Variants in GCFC2 observed in about 807,000 individuals in gnomAD.
GCFC2 encodes the protein intron Large complex component GCFC2.
A neutral mutation model predicts 99.4 loss-of-function variants in GCFC2; 102 were observed. The observed-to-expected ratio is 1.03, with a 90% CI of 0.87 to 1.21. The LOEUF (loss-of-function observed/expected upper bound fraction) is 1.21, where lower values mean the gene tolerates loss of function less well. GCFC2 is among the 50% of genes most tolerant of loss of function. GCFC2 has a pLI of 0.00. For synonymous variants in GCFC2, 338 were observed against 316.8 expected, an observed-to-expected ratio of 1.07 and a Z score of -0.71; for missense variants, 973 against 920.9, an observed-to-expected ratio of 1.06 and a Z score of -0.73.
intron 14 of GCFC2, among the ~76,000 whole-genome samples, chr2:75,671,330 T>C (rs1339131315): frequency 6.6e-6 from 1 of 152,254 alleles, no homozygotes; most frequent in Non-Finnish European, 1.5e-5. Context: ...CTACAGGTAG[T>C]GGACTCCCAA....
At chr2:75,667,330 T>C (rs1279816500) in intron 15 of GCFC2, among the ~76,000 whole-genome samples, 1 of 152,182 alleles carries the variant, frequency 6.6e-6, no homozygotes. Flanking sequence ...TAGATAATCA[T>C]ACAGATTATG....
intron 12 of GCFC2, among the ~76,000 whole-genome samples, chr2:75,675,276 A>G (rs1679282876): frequency 6.6e-6 from 1 of 152,236 alleles, no homozygotes; most frequent in Admixed American, 6.5e-5. Flanking sequence ...AGTACTCAGG[A>G]GAAAACATAT....
At chr2:75,689,471 T>C (rs1404631853) in intron 9 of GCFC2, among the ~76,000 whole-genome samples, 9 of 152,182 alleles carry the variant, frequency 5.9e-5, no homozygotes, top group Admixed American at 5.2e-4. Context: ...CTATCTTCCA[T>C]ACCATATAGG....
At chr2:75,668,860 A>G (rs1190332323) in intron 15 of GCFC2, among the ~76,000 whole-genome samples, 2 of 152,176 alleles carry the variant, frequency 1.3e-5, no homozygotes, top group Non-Finnish European at 2.9e-5. Flanking sequence ...TACTCTCCAA[A>G]AGAGCTGTAT....
chr2:75,665,557 G>A (rs543597251), intron 16 of GCFC2, among the ~76,000 whole-genome samples: 53 of 152,298 alleles, frequency 3.5e-4, no homozygotes, highest in South Asian at 1.0e-3. Flanking sequence ...TCAGAACAGA[G>A]AGCTAGCTAC....
intron 10 of GCFC2, 99 bp from the exon 11 acceptor site, chr2:75,688,076 AG>A (rs1679900203): frequency 1.4e-6 from 1 of 720,636 alleles, no homozygotes. Context: ...AGCTTTTCTA[AG>A]GATCAGAAGA....
rs779422776 is a variant in GCFC2 at position 75,689,179 on chromosome 2, A to G, written c.1386T>C (p.Asp462=). Residue 462 remains aspartate (D), a synonymous_variant, in exon 10 of 17, where the codon GAT becomes GAC. Coordinates refer to ENST00000321027, the MANE Select transcript of GCFC2 (RefSeq NM_003203.5). ...AAATATTCTGGATGTTACAAAAATC[A>G]TCTTGCACTTCTTCAAAAACTTTCT... ...KQKKVFEEVQ[D]DFCNIQNILL... 8.1e-6 allele frequency: 13 copies of G among 1,605,614 alleles called. No homozygotes were observed. Among genetic ancestry groups the G allele is most frequent in the African/African-American group, 1.3e-5 (1 of 74,756 alleles).
intron 11 of GCFC2, among the ~76,000 whole-genome samples, chr2:75,684,541 C>A (rs930953193): frequency 6.6e-6 from 1 of 152,106 alleles, no homozygotes; most frequent in Non-Finnish European, 1.5e-5. Context: ...GATCTAAAAT[C>A]GACATCCTAA....
chr2:75,698,174 A>G (rs1680417417), intron 4 of GCFC2, among the ~76,000 whole-genome samples: 1 of 152,234 alleles, frequency 6.6e-6, no homozygotes, highest in Non-Finnish European at 1.5e-5. Flanking sequence ...GGGCAAGATT[A>G]TGGTAAAATA....
intron 5 of GCFC2, among the ~76,000 whole-genome samples, chr2:75,694,637 C>T (rs983340815): frequency 1.6e-4 from 25 of 152,036 alleles, no homozygotes; most frequent in African/African-American, 6.0e-4. Flanking sequence ...TTGCATTTGT[C>T]TTTCAGAATC....
At chr2:75,678,382 A>G (rs939776766) in intron 12 of GCFC2, among the ~76,000 whole-genome samples, 2 of 152,172 alleles carry the variant, frequency 1.3e-5, no homozygotes, top group East Asian at 1.9e-4. Context: ...TTCAAATTAA[A>G]TATCTCTAAT....
intron 11 of GCFC2, among the ~76,000 whole-genome samples, chr2:75,681,018 C>G (rs1412556742): frequency 6.6e-6 from 1 of 152,142 alleles, no homozygotes; most frequent in Non-Finnish European, 1.5e-5. Flanking sequence ...AGATCCTGTT[C>G]CCAGAACACT....
intron 4 of GCFC2, among the ~76,000 whole-genome samples, chr2:75,698,822 G>A (rs1680447869): frequency 6.6e-6 from 1 of 151,944 alleles, no homozygotes; most frequent in African/African-American, 2.4e-5. Flanking sequence ...GACCAGCCTA[G>A]GCAACATGAT....
chr2:75,702,515 C>A, intron 2 of GCFC2, 92 bp from the exon 3 acceptor site: 1 of 992,806 alleles, frequency 1.0e-6, no homozygotes, highest in Non-Finnish European at 1.5e-6. Context: ...GCACCATTTT[C>A]CTAAATTATT....
At chr2:75,687,745 C>T (rs1257385380) in intron 11 of GCFC2, 82 bp downstream of exon 11, 17 of 1,076,542 alleles carry the variant, frequency 1.6e-5, no homozygotes, top group Middle Eastern at 2.2e-4. Flanking sequence ...TATGAAAAAA[C>T]TTTGTGAATA....
intron 12 of GCFC2, among the ~76,000 whole-genome samples, chr2:75,675,852 T>C (rs543986101): frequency 1.3e-4 from 20 of 152,268 alleles, no homozygotes; most frequent in Non-Finnish European, 2.5e-4. Flanking sequence ...ATTTGTTTGA[T>C]GGAAAATAAG....
intron 2 of GCFC2, among the ~76,000 whole-genome samples, chr2:75,703,873 T>C (rs541493257): frequency 4.0e-4 from 61 of 152,332 alleles, no homozygotes; most frequent in Middle Eastern, 6.8e-3. Context: ...CTCAAGTGTA[T>C]GAATGTGGAC....
At chr2:75,712,362 T>TC (rs1036244804), upstream of GCFC2, among the ~76,000 whole-genome samples, 3 of 152,196 alleles carry the variant, frequency 2.0e-5, no homozygotes, top group Non-Finnish European at 4.4e-5. Context: ...CTAGCTGCTC[T>TC]GGTGAGGCCT....
At position 75,687,861 on chromosome 2, in the gene GCFC2, T is replaced by G. The variant is rs1306022783; in HGVS notation, c.1656A>C (p.Ala552=). ...ESSSDKKVLS[A]IINKTIIPRL... is the part of the protein sequence containing the mutation. ...GGGGAATAATTGTTTTGTTGATGAT[T>G]GCAGACAAGACTTTTTTATCTGAAC... Residue 552 remains alanine, a synonymous_variant, in exon 11 of 17, where the codon GCA becomes GCC. Transcript: ENST00000321027. 1 of 1,606,748 alleles carries G rather than the reference T, an allele frequency of 6.2e-7. No individual in the cohort carries two copies. Among genetic ancestry groups the G allele is most frequent in the Admixed American group, 1.7e-5 (1 of 58,516 alleles).
Sources: allele counts gnomAD v4.1 joint callset (sites outside exome capture counted in the v4.1 genomes callset), GRCh38; gene constraint gnomAD v4.1.1; transcripts MANE v1.5; gene names NCBI Gene and HGNC (gene_info 2026-07-23, HGNC 2026-07-21).